TPM4: variants seen among roughly 807,000 people sequenced by gnomAD.
TPM4 encodes tropomyosin alpha-4 chain.
Under a neutral mutation model 35.8 loss-of-function variants are expected in TPM4, and 17 were observed. The observed-to-expected ratio is 0.47, with a 90% CI of 0.32 to 0.71. The LOEUF (loss-of-function observed/expected upper bound fraction) is 0.71. Among genes scored for constraint, TPM4 ranks in the 30% least tolerant of loss-of-function variants. The pLI, the probability that TPM4 is intolerant of heterozygous loss-of-function variation, is 0.03. For synonymous variants in TPM4, 120 were observed against 122.9 expected, an observed-to-expected ratio of 0.98 and a Z score of 0.15; for missense variants, 240 against 320.9, an observed-to-expected ratio of 0.75 and a Z score of 1.93.
intron 2 of TPM4, among the ~76,000 whole-genome samples, chr19:16,085,611 C>A (rs1016749655): frequency 6.6e-6 from 1 of 152,184 alleles, no homozygotes; most frequent in Non-Finnish European, 1.5e-5. Context: ...TGGAGTCAGA[C>A]TGCCAAGGGC....
At chr19:16,076,421 A>T (rs2090405994), upstream of TPM4, 4 of 1,352,810 alleles carry the variant, frequency 3.0e-6, no homozygotes, top group South Asian at 3.7e-5. Context: ...CCCCGACGGC[A>T]GCCGGCCCGG....
chr19:16,081,556 C>T (rs2041158211), intron 1 of TPM4: 1 of 167,026 alleles, frequency 6.0e-6, no homozygotes, highest in South Asian at 1.9e-4. Flanking sequence ...CCACCACACT[C>T]AGCTAATTTT....
chr19:16,081,017 C>A, intron 1 of TPM4: 1 of 398,584 alleles, frequency 2.5e-6, no homozygotes, highest in South Asian at 1.3e-4. Flanking sequence ...TGCCATCTCT[C>A]AGCCAGGCGG....
chr19:16,070,156 G>A lies in TPM4; in HGVS notation c.114+2418G>A, dbSNP rs533573728. 1.3e-5 allele frequency among the ~76,000 whole-genome samples: 2 copies of A among 152,156 alleles called. No individual in the cohort carries two copies. The highest frequency in any genetic ancestry group is 1.3e-4 in the Admixed American group (2 of 15,290). ...GCCTGGAGGCCGGGGCAGGTGGGCT[G>A]CCCGTGGTGGACGGAGGAGAGGGAG... On this transcript the variant is annotated intron_variant, in intron 2 of 2. Coordinates refer to the TPM4 transcript ENST00000589897. The surrounding 1 kb of genome is among the most constrained non-coding windows in gnomAD (Gnocchi z 7.4).
At chr19:16,073,958 A>AAAAAAAAC (rs1455511715), upstream of TPM4, among the ~76,000 whole-genome samples, 6 of 120,308 alleles carry the variant, frequency 5.0e-5, no homozygotes, top group African/African-American at 1.9e-4. Flanking sequence ...AAAAAAAAAA[A>AAAAAAAAC]AACGCAAAAA....
intron 7 of TPM4, among the ~76,000 whole-genome samples, 199 bp downstream of exon 7, chr19:16,093,952 CTTTTTT>C (rs35095689): frequency 2.8e-5 from 3 of 108,792 alleles, no homozygotes; most frequent in Middle Eastern, 5.9e-3. Flanking sequence ...TTGAATGGCC[CTTTTTT>C]TTTTTTTTTT....
intron 4 of TPM4, chr19:16,088,638 A>C: frequency 9.7e-7 from 1 of 1,032,418 alleles, no homozygotes; most frequent in Non-Finnish European, 1.2e-6. Flanking sequence ...CTGGTTTCAC[A>C]AATCCACTCC....
chr19:16,076,904 G>A, intron 1 of TPM4: 8 of 1,131,274 alleles, frequency 7.1e-6, no homozygotes, highest in Non-Finnish European at 8.9e-6. Context: ...CCTGGGACAG[G>A]GGAGGGGGCG....
At chr19:16,092,187 A>T (rs868541656) in intron 5 of TPM4, among the ~76,000 whole-genome samples, 12 of 151,854 alleles carry the variant, frequency 7.9e-5, no homozygotes, top group Admixed American at 5.3e-4. Context: ...GAAAAAAAAA[A>T]AAAAGAAAAG....
In TPM4 at chr19:16,067,816, T is replaced by C. The variant is rs2090313011; in HGVS notation, c.114+78T>C. On this transcript the variant is annotated intron_variant, in intron 2 of 2. Transcript: ENST00000589897. This position sits in a 1 kb window ranked among gnomAD's most constrained non-coding sequence, Gnocchi z 4.1. ...GGAAGGCCGGGGTCTGGAGCCCAGT[T>C]GGGGGTCGCAGACACCTGCGGGAGG... The C allele has an allele frequency of 7.1e-7, 1 of 1,403,616 alleles. No individual in the cohort carries two copies. The highest frequency in any genetic ancestry group is 9.7e-7 in the Non-Finnish European group (1 of 1,029,412). The allele number at this position is 1,403,616 out of a possible 1,614,324, so 86.9% of individuals were successfully genotyped here. A position where few individuals can be genotyped will look rare whatever the true frequency, so the allele number is the denominator to read the frequency against.
At chr19:16,088,812 C>T in intron 4 of TPM4, 1 of 1,283,280 alleles carries the variant, frequency 7.8e-7, no homozygotes. Context: ...TTTTCCAAGC[C>T]CTCCAAATAC....
chr19:16,078,880 C>T (rs2090446601), intron 1 of TPM4, among the ~76,000 whole-genome samples: 1 of 150,732 alleles, frequency 6.6e-6, no homozygotes, highest in Non-Finnish European at 1.5e-5. Flanking sequence ...AGCCAGGAGC[C>T]GGCGTGTGGT....
At chr19:16,077,985 G>A (rs189485693) in intron 1 of TPM4, 8 of 388,354 alleles carry the variant, frequency 2.1e-5, no homozygotes, top group African/African-American at 1.0e-4. Flanking sequence ...ATGCTGGCCA[G>A]GCTGGTCTCG....
intron 7 of TPM4, among the ~76,000 whole-genome samples, chr19:16,094,535 CA>C (rs75791596): frequency 4.6e-4 from 61 of 133,094 alleles, no homozygotes; most frequent in Admixed American, 2.4e-3. Context: ...GACTCCGTCT[CA>C]AAAAAAAAAA....
At chr19:16,076,003 A>ACCCCC (rs139298941), upstream of TPM4, 18 of 1,407,384 alleles carry the variant, frequency 1.3e-5, no homozygotes, top group African/African-American at 2.4e-4. Flanking sequence ...CGGGGACGTG[A>ACCCCC]CCCCCCCCCC....
At chr19:16,092,452 T>G (rs2090639793) in intron 5 of TPM4, among the ~76,000 whole-genome samples, 1 of 152,064 alleles carries the variant, frequency 6.6e-6, no homozygotes, top group South Asian at 2.1e-4. Flanking sequence ...AATACCATCC[T>G]ACAGGACTCT....
intron 2 of TPM4, among the ~76,000 whole-genome samples, chr19:16,082,548 A>G (rs982007627): frequency 2.0e-5 from 3 of 152,178 alleles, no homozygotes; most frequent in Non-Finnish European, 2.9e-5. Flanking sequence ...TACGGTAACC[A>G]TGAAAAGAAA....
chr19:16,098,999 T>G (rs2090733594), intron 7 of TPM4, among the ~76,000 whole-genome samples: 1 of 152,040 alleles, frequency 6.6e-6, no homozygotes, highest in African/African-American at 2.4e-5. Context: ...TAACATCTAT[T>G]CACCCAGACT....
Position 16,094,181 on chromosome 19 carries a change from T to C in TPM4, c.664+428T>C, listed in dbSNP as rs553847632. Among the ~76,000 whole-genome samples, 7 of 152,010 alleles carry C rather than the reference T, an allele frequency of 4.6e-5. 1 individual carries two copies. Among genetic ancestry groups the C allele is most frequent in the African/African-American group, 1.7e-4 (7 of 41,492 alleles). ...AAATATCTCTGCTTAGTTAGTCCCA[T>C]GAGCAAGTATAGAGAAAAGAGTATG... On this transcript the variant is annotated intron_variant, in intron 7 of 7. Transcript: ENST00000643579.
Sources: allele counts gnomAD v4.1 joint callset (sites outside exome capture counted in the v4.1 genomes callset), GRCh38; gene constraint gnomAD v4.1.1; non-coding constraint Gnocchi (gnomAD v3.1); transcripts MANE v1.5; gene names NCBI Gene and HGNC (gene_info 2026-07-23, HGNC 2026-07-21).